Variants in MAPK8IP3 observed in about 807,000 individuals in gnomAD.
MAPK8IP3 encodes mitogen-activated protein kinase 8 interacting protein 3.
In MAPK8IP3, 49 loss-of-function variants were observed where a neutral mutation model predicts 157.8. The observed-to-expected ratio is 0.31, with a 90% CI of 0.25 to 0.39. The LOEUF is 0.39. Among genes scored for constraint, MAPK8IP3 ranks in the 10% least tolerant of loss-of-function variants. MAPK8IP3 has a pLI of 1.00. For synonymous variants in MAPK8IP3, 897 were observed against 777.7 expected, an observed-to-expected ratio of 1.15 and a Z score of -2.55; for missense variants, 1,478 against 1,889.4, an observed-to-expected ratio of 0.78 and a Z score of 4.04.
At chr16:1,711,661 G>A (rs902648702) in intron 1 of MAPK8IP3, among the ~76,000 whole-genome samples, 9 of 152,198 alleles carry the variant, frequency 5.9e-5, no homozygotes, top group Non-Finnish European at 1.0e-4. Context: ...GGGTCCCAAC[G>A]CTGGGCGCAG....
chr16:1,764,235 G>C, intron 18 of MAPK8IP3, 25 bp downstream of exon 18: 7 of 1,604,888 alleles, frequency 4.4e-6, no homozygotes, highest in Non-Finnish European at 6.0e-6. Flanking sequence ...ACCCCGCTCA[G>C]GCTGGCTGGG....
At chr16:1,744,435 C>T in intron 5 of MAPK8IP3, 1 of 985,926 alleles carries the variant, frequency 1.0e-6, no homozygotes, top group Non-Finnish European at 1.2e-6. Context: ...GCTCCGTCAG[C>T]CCACCTGCTG....
chr16:1,759,350 C>G (rs2141913305), intron 10 of MAPK8IP3, among the ~76,000 whole-genome samples: 1 of 152,326 alleles, frequency 6.6e-6, no homozygotes, highest in Admixed American at 6.5e-5. Context: ...GCGTGTGATG[C>G]TGTTTCATGA....
Position 1,743,565 on chromosome 16 carries a change from C to G in MAPK8IP3, c.747+89C>G. 1 of 1,523,916 alleles carries G rather than the reference C, an allele frequency of 6.6e-7. No homozygotes were observed. Among genetic ancestry groups the G allele is most frequent in the South Asian group, 1.2e-5 (1 of 81,654 alleles). 94.4% of individuals were successfully genotyped at this position (1,523,916 alleles called of 1,614,324 possible). A position where few individuals can be genotyped will look rare whatever the true frequency, so the allele number is the denominator to read the frequency against. ...GGCGGGAGCCTCGTCTGCAGGCAGC[C>G]CTTCACGGCTCTCTGGGCCACTCGC... On this transcript the variant is annotated intron_variant, in intron 5 of 31. Transcript: ENST00000610761. The surrounding 1 kb of genome is among the most constrained non-coding windows in gnomAD (Gnocchi z 5.6).
rs750015000 is a variant in MAPK8IP3, at chr16:1,768,795, G to A, written c.3985G>A (p.Val1329Met). Residue 1329 changes from valine (V) to methionine (M), a missense_variant, in exon 32 of 32, where the codon GTG (valine) becomes ATG (methionine). Transcript: ENST00000610761. ...LSKAERSHII[V>M]WQVSYTPE ...CAAGGCAGAGCGCAGTCACATCATCGTGTGGCAGGTGTCCTACACCCCCGA... is the reference window on the plus strand; with the variant it reads ...CAAGGCAGAGCGCAGTCACATCATCATGTGGCAGGTGTCCTACACCCCCGA... 5.6e-6 allele frequency: 9 copies of A among 1,612,412 alleles called. No individual in the cohort carries two copies. The highest frequency in any genetic ancestry group is 6.8e-6 in the Non-Finnish European group (8 of 1,179,802).
chr16:1,758,067 G>C, intron 8 of MAPK8IP3, 81 bp from the exon 9 acceptor site: 2 of 1,402,828 alleles, frequency 1.4e-6, no homozygotes, highest in Non-Finnish European at 2.0e-6. Context: ...TCTGTAATAA[G>C]AATGTATTGT....
intron 28 of MAPK8IP3, 50 bp from the exon 29 acceptor site, chr16:1,768,019 C>T: frequency 6.2e-7 from 1 of 1,610,930 alleles, no homozygotes; most frequent in Non-Finnish European, 8.5e-7. Flanking sequence ...GCCTTGCTGC[C>T]CCTACGCTGA....
rs753904055 is a variant in MAPK8IP3, at chr16:1,769,207, G to A, written c.*383G>A. 21 of 250,332 alleles carry A rather than the reference G, an allele frequency of 8.4e-5. No individual in the cohort carries two copies. The highest frequency in any genetic ancestry group is 1.4e-4 in the South Asian group (3 of 21,550). 15.5% of individuals were successfully genotyped at this position (250,332 alleles called of 1,614,324 possible). A position where few individuals can be genotyped will look rare whatever the true frequency, so the allele number is the denominator to read the frequency against. On this transcript the variant is annotated 3_prime_UTR_variant, in exon 32 of 32. Coordinates refer to ENST00000610761, the MANE Select transcript of MAPK8IP3 (RefSeq NM_001318852.2). Reference sequence around the variant, plus strand: ...GAGGAGGCAGGGGCTCCCCGCCGCCGAGGCTGCCTGCCCTGGGCCCACCTC... The same window carrying A: ...GAGGAGGCAGGGGCTCCCCGCCGCCAAGGCTGCCTGCCCTGGGCCCACCTC...
chr16:1,764,536 T>C, intron 19 of MAPK8IP3, 77 bp downstream of exon 19: 1 of 1,536,584 alleles, frequency 6.5e-7, no homozygotes, highest in Non-Finnish European at 8.8e-7. Flanking sequence ...ATGCTGGGAG[T>C]GAGACACAGG....
chr16:1,716,575 G>T (rs1432389554), intron 1 of MAPK8IP3, among the ~76,000 whole-genome samples: 1 of 152,034 alleles, frequency 6.6e-6, no homozygotes, highest in Non-Finnish European at 1.5e-5. Context: ...GATTACAGGA[G>T]TAAGCCACTG....
At position 1,712,356 on chromosome 16, in the gene MAPK8IP3, C is replaced by G. The variant is rs1022214143; in HGVS notation, c.318+5699C>G. ...GATTACAGGCATGAGCCATCGCGCC[C>G]GGCCAGCCTCAGGAGTTCTTTAATG... On this transcript the variant is annotated intron_variant, in intron 1 of 31. Transcript: ENST00000610761. Among the ~76,000 whole-genome samples, 4 of 152,170 alleles carry G rather than the reference C, an allele frequency of 2.6e-5. No homozygotes were observed. The East Asian group carries it at 7.7e-4, about 29-fold the overall frequency.
At chr16:1,709,437 A>T (rs914621710) in intron 1 of MAPK8IP3, among the ~76,000 whole-genome samples, 1 of 152,230 alleles carries the variant, frequency 6.6e-6, no homozygotes, top group Non-Finnish European at 1.5e-5. Flanking sequence ...AGATCCAAGC[A>T]CCATCACTGG....
At chr16:1,722,180 G>A (rs1306390778) in intron 1 of MAPK8IP3, among the ~76,000 whole-genome samples, 3 of 152,038 alleles carry the variant, frequency 2.0e-5, no homozygotes, top group African/African-American at 2.4e-5. Context: ...TTGTACCGCC[G>A]CACAAAAAAG....
intron 28 of MAPK8IP3, 30 bp from the exon 29 acceptor site, chr16:1,768,039 T>TCTTCTCCCATG (rs766067373): frequency 1.2e-5 from 20 of 1,612,196 alleles, no homozygotes; most frequent in Non-Finnish European, 1.6e-5. Context: ...ACCGCTCTCC[T>TCTTCTCCCATG]CTTCTCCCAT....
intron 19 of MAPK8IP3, 37 bp downstream of exon 19, chr16:1,764,496 C>T (rs2042142884): frequency 3.8e-6 from 6 of 1,598,262 alleles, no homozygotes; most frequent in African/African-American, 1.3e-5. Context: ...CCCTCCCTGG[C>T]TTAGTCTCAG....
intron 4 of MAPK8IP3, among the ~76,000 whole-genome samples, chr16:1,737,266 G>GCGTC (rs1274670895): frequency 1.9e-5 from 2 of 106,174 alleles, no homozygotes; most frequent in East Asian, 3.7e-4. Context: ...GTCCGTGTGA[G>GCGTC]CGTGTGAGCG....
chr16:1,766,993 T>G (rs1331485468), intron 25 of MAPK8IP3, 22 bp downstream of exon 25: 1 of 1,573,026 alleles, frequency 6.4e-7, no homozygotes, highest in Non-Finnish European at 8.6e-7. Context: ...CAGCACGGGG[T>G]GTGTGGGTGG....
intron 1 of MAPK8IP3, among the ~76,000 whole-genome samples, chr16:1,719,674 A>G (rs2038387682): frequency 6.6e-6 from 1 of 151,054 alleles, no homozygotes; most frequent in Non-Finnish European, 1.5e-5. Context: ...TCTACAAAAA[A>G]AAAAAAAAAA....
intron 1 of MAPK8IP3, among the ~76,000 whole-genome samples, chr16:1,714,502 T>G (rs887740405): frequency 2.0e-5 from 3 of 150,364 alleles, no homozygotes; most frequent in Non-Finnish European, 4.4e-5. Context: ...TCACACAGGG[T>G]CTAGGACATT....
Sources: allele counts gnomAD v4.1 joint callset (sites outside exome capture counted in the v4.1 genomes callset), GRCh38; gene constraint gnomAD v4.1.1; non-coding constraint Gnocchi (gnomAD v3.1); transcripts MANE v1.5; gene names NCBI Gene and HGNC (gene_info 2026-07-23, HGNC 2026-07-21).